The following COL4A4 variants were observed in gnomAD, a reference collection of about 807,000 sequenced individuals.
The protein encoded by COL4A4 is collagen alpha-4(IV) chain.
Under a neutral mutation model 192.9 loss-of-function variants are expected in COL4A4, and 105 were observed. That is an observed-to-expected ratio of 0.54 (90% confidence interval 0.46 to 0.64). The LOEUF (loss-of-function observed/expected upper bound fraction) is 0.64. Ranked by LOEUF, COL4A4 falls within the 30% of genes least tolerant of loss-of-function variation. The pLI is 0.00. For missense variants in COL4A4, 1,967 were observed against 2,169.3 expected (o/e 0.91, Z 1.85); for synonymous variants, 762 against 769.9 (o/e 0.99, Z 0.17).
At chr2:227,137,653 C>A (rs1168237025) in intron 4 of COL4A4, among the ~76,000 whole-genome samples, 1 of 152,166 alleles carries the variant, frequency 6.6e-6, no homozygotes, top group African/African-American at 2.4e-5. Flanking sequence ...TGCTGGAAAC[C>A]AGTAGCATCC....
At chr2:227,071,446 A>G (rs2058716952) in intron 25 of COL4A4, among the ~76,000 whole-genome samples, 1 of 152,172 alleles carries the variant, frequency 6.6e-6, no homozygotes, top group Admixed American at 6.6e-5. Flanking sequence ...CAAAACAATA[A>G]TAGTGGGAGA....
At position 227,010,299 on chromosome 2, in the gene COL4A4, T is replaced by A. The variant is rs767765316; in HGVS notation, c.4522+14A>T. ...CTCTTCAGGCAATGGAGATGGGCGA[T>A]CCTGTATCCATACCAAGGTCTTGAT... On this transcript the variant is annotated intron_variant, in intron 46 of 47. Transcript: ENST00000396625. 9.3e-6 allele frequency: 15 copies of A among 1,614,078 alleles called. No individual in the cohort carries two copies. The highest frequency in any genetic ancestry group is 1.3e-5 in the Non-Finnish European group (15 of 1,180,004).
chr2:227,152,647 C>T (rs2064030347), intron 1 of COL4A4, among the ~76,000 whole-genome samples: 1 of 152,202 alleles, frequency 6.6e-6, no homozygotes, highest in South Asian at 2.1e-4. Flanking sequence ...TGGCGCTTTG[C>T]AGTTCGCAAA....
chr2:226,970,745 A>C, the COL4A4 span, among the ~76,000 whole-genome samples: 1 of 152,164 alleles, frequency 6.6e-6, no homozygotes, highest in African/African-American at 2.4e-5. Context: ...CTTGAGGACC[A>C]TTGTTTTTGT....
intron 17 of COL4A4, among the ~76,000 whole-genome samples, chr2:227,101,043 C>T (rs1041874177): frequency 2.0e-5 from 3 of 152,148 alleles, no homozygotes; most frequent in African/African-American, 7.2e-5. Context: ...CTCCTGACCT[C>T]ATGATCTGCC....
chr2:226,988,628 T>G, the COL4A4 span: 38 of 1,344,060 alleles, frequency 2.8e-5, no homozygotes, highest in East Asian at 1.1e-3. Context: ...GCAGACACAT[T>G]GGCCCTGGAG....
At chr2:227,076,836 G>T (rs950589809) in intron 25 of COL4A4, among the ~76,000 whole-genome samples, 9 of 152,156 alleles carry the variant, frequency 5.9e-5, no homozygotes, top group Non-Finnish European at 1.0e-4. Context: ...GATATGAACA[G>T]ATATCCTTCT....
chr2:227,016,692 T>C (rs1261214832), intron 44 of COL4A4, among the ~76,000 whole-genome samples: 1 of 152,130 alleles, frequency 6.6e-6, no homozygotes, highest in Non-Finnish European at 1.5e-5. Flanking sequence ...CCCTTCTTCT[T>C]ACATCCCTAC....
chr2:227,100,397 C>T (rs2060441764), intron 17 of COL4A4, among the ~76,000 whole-genome samples: 1 of 151,712 alleles, frequency 6.6e-6, no homozygotes, highest in East Asian at 1.9e-4. Context: ...ACACAGCATG[C>T]ATTAAAGTAC....
chr2:226,990,717 C>G, the COL4A4 span, among the ~76,000 whole-genome samples: 12 of 152,150 alleles, frequency 7.9e-5, no homozygotes, highest in African/African-American at 2.7e-4. Flanking sequence ...AACCACAAAT[C>G]AATAAATTTT....
chr2:227,005,894 G>C lies in COL4A4; in HGVS notation c.*1431C>G, dbSNP rs1961982917. Reference sequence around the variant, plus strand: ...AACAAATCTTTTAAATTTAGGATTAGATCACCAAATTCCTAGCAAAACAGA... The same window carrying C: ...AACAAATCTTTTAAATTTAGGATTACATCACCAAATTCCTAGCAAAACAGA... On this transcript the variant is annotated 3_prime_UTR_variant, in exon 48 of 48. Coordinates refer to ENST00000396625, the MANE Select transcript of COL4A4 (RefSeq NM_000092.5). 1 of 152,110 alleles carries C rather than the reference G, an allele frequency of 6.6e-6. No individual in the cohort carries two copies. Among genetic ancestry groups the C allele is most frequent in the East Asian group, 1.9e-4 (1 of 5,194 alleles). The allele number at this position is 152,110 out of a possible 1,614,324, so 9.4% of individuals were successfully genotyped here.
chr2:227,136,121 T>C (rs2062798128), intron 4 of COL4A4, among the ~76,000 whole-genome samples: 1 of 152,180 alleles, frequency 6.6e-6, no homozygotes, highest in South Asian at 2.1e-4. Flanking sequence ...GTTTTACTTG[T>C]GTTCTCATGA....
chr2:226,985,354 G>A, the COL4A4 span, among the ~76,000 whole-genome samples: 2 of 152,118 alleles, frequency 1.3e-5, no homozygotes, highest in South Asian at 2.1e-4. Flanking sequence ...CCTGGGTTTC[G>A]GGCCATCTAG....
At chr2:227,039,684 T>C (rs370282226) in intron 37 of COL4A4, among the ~76,000 whole-genome samples, 12 of 151,996 alleles carry the variant, frequency 7.9e-5, no homozygotes, top group Non-Finnish European at 1.3e-4. Flanking sequence ...GTGGGAGTGG[T>C]TAATGATGAC....
intron 4 of COL4A4, among the ~76,000 whole-genome samples, chr2:227,133,011 T>C (rs990026536): frequency 5.9e-5 from 9 of 152,238 alleles, no homozygotes; most frequent in African/African-American, 1.9e-4. Context: ...AGTAGATTAT[T>C]TCCCCCAAAC....
intron 16 of COL4A4, 129 bp from the exon 17 acceptor site, chr2:227,101,686 G>A (rs2060531483): frequency 2.8e-6 from 3 of 1,090,154 alleles, no homozygotes; most frequent in Admixed American, 2.0e-5. Context: ...TTCATCAGTT[G>A]CATCAGACAA....
chr2:227,114,772 T>G, intron 7 of COL4A4, 76 bp from the exon 8 acceptor site: 2 of 1,171,030 alleles, frequency 1.7e-6, no homozygotes. Flanking sequence ...CTATATAAAA[T>G]ATAACTCATC....
At chr2:227,110,628 G>A (rs996337588) in intron 9 of COL4A4, among the ~76,000 whole-genome samples, 5 of 148,614 alleles carry the variant, frequency 3.4e-5, no homozygotes, top group South Asian at 2.1e-4. Flanking sequence ...TGATCCACCC[G>A]CCTCAGCCTC....
chr2:227,120,195 C>T (rs963331355), intron 5 of COL4A4, among the ~76,000 whole-genome samples: 5 of 152,132 alleles, frequency 3.3e-5, no homozygotes, highest in South Asian at 2.1e-4. Flanking sequence ...TCTAACACTC[C>T]GAATCTCGAT....
Sources: allele counts gnomAD v4.1 joint callset (sites outside exome capture counted in the v4.1 genomes callset), GRCh38; gene constraint gnomAD v4.1.1; transcripts MANE v1.5; gene names NCBI Gene and HGNC (gene_info 2026-07-23, HGNC 2026-07-21).